Variants in TULP1 observed in about 807,000 individuals in gnomAD.
The protein encoded by TULP1 is TUB like protein 1, also known as tubby-related protein 1.
In TULP1, 50 loss-of-function variants were observed where a neutral mutation model predicts 67.1. The observed-to-expected ratio is 0.75, with a 90% CI of 0.59 to 0.94. The LOEUF (loss-of-function observed/expected upper bound fraction) is 0.94. TULP1 is among the 40% of genes least tolerant of loss of function. The probability of loss-of-function intolerance (pLI) is 0.00; values close to 1 mark genes in which losing one functional copy is unlikely to be tolerated. For missense variants in TULP1, 746 were observed against 734.1 expected (o/e 1.02, Z -0.19); for synonymous variants, 297 against 294.0 (o/e 1.01, Z -0.11).
Position 35,510,869 on chromosome 6 carries a change from C to T in TULP1, c.491G>A (p.Gly164Asp), listed in dbSNP as rs2150927929. 1 of 1,613,904 alleles carries T rather than the reference C, an allele frequency of 6.2e-7. No individual in the cohort carries two copies. The highest frequency in any genetic ancestry group is 8.5e-7 in the Non-Finnish European group (1 of 1,179,988). Reference sequence around the variant, plus strand: ...GCACCCTCAGCACCCACCCCTTGGGCCCTGGGCCTTGGCCCTCCTCTCCTT... The same window carrying T: ...GCACCCTCAGCACCCACCCCTTGGGTCCTGGGCCTTGGCCCTCCTCTCCTT... ...DLKERRAKAQ[G>D]PRGDLGSPDP... Residue 164 changes from glycine to aspartate, a missense_variant, in exon 5 of 15, where the codon GGC (glycine) becomes GAC (aspartate). Around this residue, in one of 3 missense-constraint regions of TULP1, gnomAD observed 359 missense variants for 341.9 expected, o/e 1.05. Coordinates refer to ENST00000229771, the MANE Select transcript of TULP1 (RefSeq NM_003322.6).
chr6:35,506,263 G>T lies in TULP1; in HGVS notation c.828+11C>A. On this transcript the variant is annotated intron_variant, in intron 9 of 14. Transcript: ENST00000229771. ...GTGCTGAGACACGGGCAGCCCGGCA[G>T]GACAACTCACCGCTTTCTGTGTGCG... 2 of 1,591,220 alleles carry T rather than the reference G, an allele frequency of 1.3e-6. No homozygotes were observed. Among genetic ancestry groups the T allele is most frequent in the Non-Finnish European group, 1.7e-6 (2 of 1,168,910 alleles).
intron 8 of TULP1, among the ~76,000 whole-genome samples, chr6:35,507,203 C>CAA (rs869194937): frequency 1.3e-3 from 96 of 71,958 alleles, no homozygotes; most frequent in South Asian, 5.4e-3. Flanking sequence ...AACACTCAAG[C>CAA]AAAAAAAAAA....
chr6:35,501,590 T>A (rs968727620), intron 13 of TULP1, among the ~76,000 whole-genome samples: 5 of 135,746 alleles, frequency 3.7e-5, no homozygotes, highest in South Asian at 2.2e-4. Context: ...GGCAGGTGGG[T>A]CACTTGAGGT....
At chr6:35,501,373 G>C (rs1020733498) in intron 13 of TULP1, among the ~76,000 whole-genome samples, 2 of 151,892 alleles carry the variant, frequency 1.3e-5, no homozygotes, top group Non-Finnish European at 1.5e-5. Context: ...ATGTGCCTAG[G>C]GTCTCAGCTA....
chr6:35,504,004 A>G (rs1004830980), intron 11 of TULP1, 156 bp from the exon 12 acceptor site: 11 of 611,806 alleles, frequency 1.8e-5, no homozygotes, highest in African/African-American at 1.1e-4. Context: ...GCTTCCCCCT[A>G]TGCAGAGGTC....
chr6:35,505,715 C>T, intron 11 of TULP1, 26 bp downstream of exon 11: 1 of 1,613,304 alleles, frequency 6.2e-7, no homozygotes, highest in South Asian at 1.1e-5. Context: ...CCCAAGTCCC[C>T]CCAGCCCCAG....
chr6:35,506,102 G>A lies in TULP1; in HGVS notation c.900C>T (p.Pro300=). 6.2e-7 allele frequency: 1 copy of A among 1,613,648 alleles called. No individual in the cohort carries two copies. The highest frequency in any genetic ancestry group is 8.5e-7 in the Non-Finnish European group (1 of 1,180,004). The change falls in exon 10 of 15, where the codon CCC becomes CCT. Residue 300 remains proline, a synonymous_variant. Transcript: ENST00000229771. ...GCCGGCAGCGCACCGTGCGGCCCTG[G>A]GGGGCAGGCCGGAGCACAAACTCCC... is the stretch of plus-strand genomic sequence containing the variant. The part of the protein sequence containing the change: ...EPREFVLRPA[P]QGRTVRCRLT...
At chr6:35,511,447 G>C (rs946980696) in intron 4 of TULP1, among the ~76,000 whole-genome samples, 5 of 152,140 alleles carry the variant, frequency 3.3e-5, no homozygotes, top group Non-Finnish European at 5.9e-5. Context: ...TTCTCCATCT[G>C]TACAATGGTG....
chr6:35,509,114 G>A, intron 8 of TULP1, 95 bp downstream of exon 8: 1 of 1,066,748 alleles, frequency 9.4e-7, no homozygotes, highest in South Asian at 1.2e-5. Context: ...CTAACCTCAA[G>A]TGGCTCCAAG....
rs201182765 is a variant in TULP1 at position 35,510,978 on chromosome 6, C to T, written c.382G>A (p.Glu128Lys). The T allele has an allele frequency of 4.4e-5, 71 of 1,600,646 alleles. 1 individual carries two copies. Among genetic ancestry groups the T allele is most frequent in the Middle Eastern group, 3.3e-4 (2 of 5,998 alleles). ...TTCTTTTCCTCTGCCTCCTCTTCCT[C>T]GTCCTCCTCGTCCTCCTCTTCCTCC... ...EEEEEEDEED[E>K]EEEAEEKKEK... Residue 128 changes from glutamate to lysine, a missense_variant, in exon 5 of 15, where the codon GAG becomes AAG. By Grantham distance (56) the Glu-to-Lys change is moderately conservative. This residue lies in a region of TULP1 where 359 missense variants were observed against 341.9 expected (regional missense o/e 1.05). Transcript: ENST00000229771.
intron 13 of TULP1, among the ~76,000 whole-genome samples, chr6:35,501,491 G>A (rs545556314): frequency 7.7e-4 from 105 of 137,024 alleles, no homozygotes; most frequent in African/African-American, 2.8e-3. Flanking sequence ...GTGAGACCCA[G>A]AGTGAGACTC....
At position 35,511,820 on chromosome 6, in the gene TULP1, C is replaced by A. The variant is rs761648903; in HGVS notation, c.191-14G>T. On this transcript the variant is annotated splice_polypyrimidine_tract_variant and intron_variant, in intron 3 of 14. Transcript: ENST00000229771. ...CCGTCCGCCCAGCTGAGCCGAGATGCGGGGTTCAGACAGGGTCCCATCCGC... is the reference window on the plus strand; with the variant it reads ...CCGTCCGCCCAGCTGAGCCGAGATGAGGGGTTCAGACAGGGTCCCATCCGC... 2.0e-6 allele frequency: 3 copies of A among 1,537,344 alleles called. No individual in the cohort carries two copies. The highest frequency in any genetic ancestry group is 1.8e-6 in the Non-Finnish European group (2 of 1,140,924).
At position 35,501,263 on chromosome 6, in the gene TULP1, T is replaced by G. The variant is rs186270298; in HGVS notation, c.1324-1111A>C. Among the ~76,000 whole-genome samples the G allele has an allele frequency of 9.9e-4, 148 of 150,122 alleles. 2 individuals carry two copies. The East Asian group carries it at 0.028, about 28-fold the overall frequency. ...GGCTCACGCATATAATCCCAACACT[T>G]TGAGAAGCCGAGACGAGAGGATCAC... On this transcript the variant is annotated intron_variant, in intron 13 of 14. Transcript: ENST00000229771.
At chr6:35,502,871 C>A (rs1164123251) in intron 13 of TULP1, among the ~76,000 whole-genome samples, 1 of 152,136 alleles carries the variant, frequency 6.6e-6, no homozygotes, top group Admixed American at 6.5e-5. Context: ...CGATTATTGT[C>A]TACTGTCACT....
At position 35,512,835 on chromosome 6, in the gene TULP1, G is replaced by T. The variant is rs764915724; in HGVS notation, c.24C>A (p.Leu8=). 123 of 1,612,852 alleles carry T rather than the reference G, an allele frequency of 7.6e-5. No individual in the cohort carries two copies. The East Asian group carries it at 2.7e-3, about 35-fold the overall frequency. The change falls in exon 1 of 15, where the codon CTC becomes CTA. Residue 8 remains leucine (L), a synonymous_variant. Coordinates refer to ENST00000229771, the MANE Select transcript of TULP1 (RefSeq NM_003322.6). ...ACCTGTCAGAGGCCCACACCTCTCG[G>T]AGGGTTTCATCCCGCAGAGGCATGG... MPLRDET[L]REVWASDSGH...
chr6:35,508,625 G>C (rs1391782217), intron 8 of TULP1, among the ~76,000 whole-genome samples: 1 of 152,174 alleles, frequency 6.6e-6, no homozygotes. Context: ...AGTCCTGTTT[G>C]GGAGCAGGGG....
chr6:35,504,858 G>A (rs999971577), intron 11 of TULP1, among the ~76,000 whole-genome samples: 2 of 151,816 alleles, frequency 1.3e-5, no homozygotes, highest in Non-Finnish European at 2.9e-5. Context: ...GAGCCATCAC[G>A]CCTGGCCTGG....
chr6:35,500,365 T>A (rs948766334), intron 13 of TULP1, among the ~76,000 whole-genome samples: 1 of 152,114 alleles, frequency 6.6e-6, no homozygotes, highest in Non-Finnish European at 1.5e-5. Context: ...CTCTGGGATG[T>A]CAAAGCGGAG....
rs1761159249 is a variant in TULP1, at chr6:35,509,754, C to T, written c.602-4G>A. ...TCCTTGTCGGCCTCCCCAGACCCTG[C>T]ATGTGTGGATGTGAAAGCGTCACAA... On this transcript the variant is annotated splice_region_variant and splice_polypyrimidine_tract_variant and intron_variant, in intron 6 of 14. Coordinates refer to ENST00000229771, the MANE Select transcript of TULP1 (RefSeq NM_003322.6). The T allele has an allele frequency of 6.2e-7, 1 of 1,614,154 alleles. No homozygotes were observed. The highest frequency in any genetic ancestry group is 1.7e-5 in the Admixed American group (1 of 60,010).
Sources: gnomAD v4.1 joint callset for allele counts (sites outside exome capture counted in the v4.1 genomes callset) on GRCh38, gnomAD v4.1.1 for gene constraint, gnomAD v4.1.1 regional missense constraint, MANE v1.5 for transcripts, NCBI Gene and HGNC (gene_info 2026-07-23, HGNC 2026-07-21) for gene names.